The following JAZF1 variants were observed in gnomAD, a reference collection of about 807,000 sequenced individuals.
The protein encoded by JAZF1 is juxtaposed with another zinc finger protein 1.
In JAZF1, 8 loss-of-function variants were observed where a neutral mutation model predicts 26.4. That is an observed-to-expected ratio of 0.30 (90% CI 0.18 to 0.55). The LOEUF (loss-of-function observed/expected upper bound fraction) is 0.55, where lower values mean the gene tolerates loss of function less well. JAZF1 is among the 20% of genes least tolerant of loss of function. The pLI is 0.94. For missense variants in JAZF1, 199 were observed against 322.0 expected (o/e 0.62, Z 2.92); for synonymous variants, 126 against 122.3 (o/e 1.03, Z -0.20).
intron 3 of JAZF1, among the ~76,000 whole-genome samples, chr7:27,880,352 T>C (rs1333937292): frequency 6.6e-6 from 1 of 152,214 alleles, no homozygotes; most frequent in Non-Finnish European, 1.5e-5. Flanking sequence ...ATGTGTTAAC[T>C]AGCTGGGCAC....
intron 1 of JAZF1, among the ~76,000 whole-genome samples, chr7:28,168,378 C>CT (rs1783401517): frequency 1.4e-5 from 1 of 70,076 alleles, no homozygotes; most frequent in Non-Finnish European, 2.4e-5. Context: ...GAGACTCCGT[C>CT]TCAAAAAAAA....
chr7:28,164,173 C>G (rs1362381540), intron 1 of JAZF1, among the ~76,000 whole-genome samples: 2 of 152,196 alleles, frequency 1.3e-5, no homozygotes, highest in African/African-American at 4.8e-5. Context: ...GACCAGCAGC[C>G]TAACACAGAG....
At chr7:28,120,477 C>G (rs1379158136) in intron 1 of JAZF1, among the ~76,000 whole-genome samples, 1 of 138,336 alleles carries the variant, frequency 7.2e-6, no homozygotes, top group African/African-American at 2.7e-5. Context: ...AGGAAGATGT[C>G]TGAACCACTA....
intron 1 of JAZF1, among the ~76,000 whole-genome samples, chr7:28,121,593 G>A (rs1041249560): frequency 3.9e-5 from 6 of 152,220 alleles, no homozygotes; most frequent in Admixed American, 3.9e-4. Context: ...TCACTGAAAT[G>A]ACAACTGGTG....
At chr7:28,105,760 G>A (rs963610452) in intron 1 of JAZF1, among the ~76,000 whole-genome samples, 5 of 152,170 alleles carry the variant, frequency 3.3e-5, no homozygotes, top group Non-Finnish European at 4.4e-5. Flanking sequence ...TACCACAGAC[G>A]CAAGAGGAAG....
chr7:27,859,478 T>C (rs978116995), intron 3 of JAZF1, among the ~76,000 whole-genome samples: 21 of 152,220 alleles, frequency 1.4e-4, no homozygotes, highest in African/African-American at 4.8e-4. Flanking sequence ...CCAACCCAAA[T>C]GTCCATCAAT....
intron 2 of JAZF1, among the ~76,000 whole-genome samples, chr7:27,967,297 T>C (rs963120704): frequency 6.6e-6 from 1 of 151,918 alleles, no homozygotes; most frequent in Non-Finnish European, 1.5e-5. Context: ...GCTCTGGCCA[T>C]ACCCCTACCC....
intron 1 of JAZF1, among the ~76,000 whole-genome samples, chr7:28,070,683 A>C (rs564916033): frequency 2.0e-5 from 3 of 152,234 alleles, no homozygotes; most frequent in Non-Finnish European, 2.9e-5. Flanking sequence ...TTCAAGGTAG[A>C]GGAGGTAGCA....
rs143724947 is a variant in JAZF1, at chr7:28,165,600, G to T, written c.115+14863C>A. On this transcript the variant is annotated intron_variant, in intron 1 of 4. Coordinates refer to ENST00000283928, the MANE Select transcript of JAZF1 (RefSeq NM_175061.4). Reference sequence around the variant, plus strand: ...CTATCCCACCCCCTCAAACACACCAGATACTCCAGTCTCAGGCCCTTGCAG... The same window carrying T: ...CTATCCCACCCCCTCAAACACACCATATACTCCAGTCTCAGGCCCTTGCAG... Among the ~76,000 whole-genome samples, 559 of 152,226 alleles carry T rather than the reference G, an allele frequency of 3.7e-3. 1 individual carries two copies. Among genetic ancestry groups the T allele is most frequent in the Middle Eastern group, 0.01 (3 of 294 alleles).
At chr7:27,847,021 G>A (rs567941412) in intron 3 of JAZF1, among the ~76,000 whole-genome samples, 52 of 152,136 alleles carry the variant, frequency 3.4e-4, no homozygotes, top group African/African-American at 1.2e-3. Flanking sequence ...CCAGGCTGGA[G>A]TGCAATGGCA....
chr7:28,133,819 G>A (rs925528351), intron 1 of JAZF1, among the ~76,000 whole-genome samples: 1 of 152,156 alleles, frequency 6.6e-6, no homozygotes, highest in Non-Finnish European at 1.5e-5. Context: ...TTCTTCCAGA[G>A]AGTCCTTCAC....
intron 2 of JAZF1, among the ~76,000 whole-genome samples, chr7:27,957,292 T>A (rs1327946174): frequency 6.6e-6 from 1 of 152,196 alleles, no homozygotes; most frequent in Non-Finnish European, 1.5e-5. Context: ...GAGAAGTAGT[T>A]CAGTGCTTAA....
Position 27,913,090 on chromosome 7 carries a change from C to A in JAZF1, c.189-17674G>T, listed in dbSNP as rs1251159691. Among the ~76,000 whole-genome samples the A allele has an allele frequency of 2.0e-5, 3 of 151,888 alleles. No homozygotes were observed. In the South Asian group the frequency reaches 6.2e-4, roughly 32 times the overall value. ...TTAGTGGGTAATTCACTGAATGCTA[C>A]CCCAGTGTCTTTGAAAGAGTTAATT... On this transcript the variant is annotated intron_variant, in intron 2 of 4. Transcript: ENST00000283928.
chr7:27,918,538 TA>T (rs538425470), intron 2 of JAZF1, among the ~76,000 whole-genome samples: 2 of 152,222 alleles, frequency 1.3e-5, no homozygotes, highest in Non-Finnish European at 2.9e-5. Flanking sequence ...AGTTTTTAGA[TA>T]AAATCTAGCT....
At chr7:27,864,719 G>C (rs1417607990) in intron 3 of JAZF1, among the ~76,000 whole-genome samples, 1 of 152,142 alleles carries the variant, frequency 6.6e-6, no homozygotes, top group Non-Finnish European at 1.5e-5. Flanking sequence ...TACATTTTTA[G>C]GAAAAACTGA....
At chr7:28,012,508 TTTG>T (rs1381715039) in intron 1 of JAZF1, among the ~76,000 whole-genome samples, 2 of 152,176 alleles carry the variant, frequency 1.3e-5, no homozygotes, top group East Asian at 3.8e-4. Flanking sequence ...GGGATACAAA[TTTG>T]TTGTTGATAG....
At chr7:27,973,485 G>C (rs1431052111) in intron 2 of JAZF1, among the ~76,000 whole-genome samples, 2 of 152,106 alleles carry the variant, frequency 1.3e-5, no homozygotes, top group Admixed American at 6.5e-5. Context: ...TTTTTGAAGA[G>C]ATGGGGTCTT....
At chr7:28,055,678 C>T (rs1783693276) in intron 1 of JAZF1, among the ~76,000 whole-genome samples, 1 of 152,180 alleles carries the variant, frequency 6.6e-6, no homozygotes. Flanking sequence ...TTGTTGTATT[C>T]ACCAATGTAT....
chr7:27,865,372 A>C, intron 3 of JAZF1, among the ~76,000 whole-genome samples: 1 of 152,178 alleles, frequency 6.6e-6, no homozygotes, highest in East Asian at 1.9e-4. Context: ...CCCTGTCTCC[A>C]AACAGAAAAC....
Sources: allele counts gnomAD v4.1 joint callset (sites outside exome capture counted in the v4.1 genomes callset), GRCh38; gene constraint gnomAD v4.1.1; transcripts MANE v1.5; gene names NCBI Gene and HGNC (gene_info 2026-07-23, HGNC 2026-07-21).